The following VSTM2A variants were observed in gnomAD, a reference collection of about 807,000 sequenced individuals.
VSTM2A encodes the protein V-set and transmembrane domain containing 2A, also known as V-set and transmembrane domain-containing protein 2A.
VSTM2A carries 13 observed loss-of-function variants against 27.3 expected under a neutral mutation model. The observed-to-expected ratio is 0.48, with a 90% confidence interval of 0.31 to 0.76. The LOEUF (loss-of-function observed/expected upper bound fraction) is 0.76, where lower values mean the gene tolerates loss of function less well. Ranked by LOEUF, VSTM2A falls within the 30% of genes least tolerant of loss-of-function variation. VSTM2A has a pLI of 0.05. For missense variants in VSTM2A, 280 were observed against 310.0 expected (o/e 0.90, Z 0.73); for synonymous variants, 142 against 125.7 (o/e 1.13, Z -0.87).
chr7:54,556,428 G>A (rs1788360723), intron 4 of VSTM2A, among the ~76,000 whole-genome samples: 1 of 152,198 alleles, frequency 6.6e-6, no homozygotes, highest in African/African-American at 2.4e-5. Flanking sequence ...AAAGTCATTG[G>A]GAGGAGGGAG....
At chr7:54,556,544 C>G (rs535723549) in intron 4 of VSTM2A, among the ~76,000 whole-genome samples, 1 of 152,188 alleles carries the variant, frequency 6.6e-6, no homozygotes, top group Non-Finnish European at 1.5e-5. Flanking sequence ...CAGCCCTTAC[C>G]GCTGATTTTT....
intron 2 of VSTM2A, 140 bp downstream of exon 2, chr7:54,544,928 C>A (rs756456272): frequency 1.9e-6 from 2 of 1,068,290 alleles, no homozygotes; most frequent in African/African-American, 1.6e-5. Context: ...ACCCCCAGGG[C>A]TTCTAGGGAG....
intron 4 of VSTM2A, 44 bp downstream of exon 4, chr7:54,550,214 C>T (rs775790136): frequency 6.6e-5 from 103 of 1,557,106 alleles, no homozygotes; most frequent in Middle Eastern, 1.7e-4. Context: ...CACTCACAAA[C>T]GCTCCACAGA....
At chr7:54,545,725 GA>G (rs1230266857) in intron 2 of VSTM2A, among the ~76,000 whole-genome samples, 2 of 105,210 alleles carry the variant, frequency 1.9e-5, no homozygotes, top group African/African-American at 4.1e-5. Context: ...GAGGGAAGGG[GA>G]AAAAGGGAGA....
chr7:54,553,783 C>T, intron 4 of VSTM2A: 1 of 1,523,950 alleles, frequency 6.6e-7, no homozygotes, highest in South Asian at 1.3e-5. Flanking sequence ...GCAGAGAACA[C>T]AGGACTCAAC....
intron 2 of VSTM2A, 145 bp from the exon 3 acceptor site, chr7:54,546,802 G>A: frequency 1.1e-6 from 1 of 913,838 alleles, no homozygotes. Flanking sequence ...TCTGGGCCTG[G>A]ACAGGGGTGG....
At chr7:54,568,984 G>A (rs1391792906) in intron 4 of VSTM2A, 147 bp from the exon 5 acceptor site, 7 of 1,576,436 alleles carry the variant, frequency 4.4e-6, no homozygotes, top group Non-Finnish European at 6.0e-6. Flanking sequence ...CAAGATGAGC[G>A]AATATCTTAT....
At position 54,569,224 on chromosome 7, in the gene VSTM2A, C is replaced by T; in HGVS notation, c.*5C>T. The T allele has an allele frequency of 6.4e-7, 1 of 1,551,664 alleles. No homozygotes were observed. The highest frequency in any genetic ancestry group is 8.7e-7 in the Non-Finnish European group (1 of 1,146,934). On this transcript the variant is annotated 3_prime_UTR_variant, in exon 5 of 5. Transcript: ENST00000402613. The stretch of plus-strand genomic sequence containing the variant: ...CCTGCACCCACTGTACTCTAATTCA[C>T]TACACAAGGAGCGCCTGCTTCCGGA...
chr7:54,564,321 T>A (rs371123351), intron 4 of VSTM2A, among the ~76,000 whole-genome samples: 6 of 152,168 alleles, frequency 3.9e-5, no homozygotes, highest in East Asian at 3.8e-4. Flanking sequence ...TTTTCTTTCT[T>A]TTTTCTTGCT....
intron 4 of VSTM2A, chr7:54,552,024 CTT>C (rs1358422197): frequency 2.0e-5 from 3 of 152,154 alleles, no homozygotes; most frequent in South Asian, 2.1e-4. Flanking sequence ...TTTAATATCT[CTT>C]AGCGCTGTGA....
At chr7:54,560,906 A>G (rs1788541594) in intron 4 of VSTM2A, among the ~76,000 whole-genome samples, 1 of 152,302 alleles carries the variant, frequency 6.6e-6, no homozygotes. Context: ...GGGCTCTGTT[A>G]TGAGTCAATG....
intron 4 of VSTM2A, among the ~76,000 whole-genome samples, chr7:54,554,467 A>G (rs1788288339): frequency 6.6e-6 from 1 of 152,172 alleles, no homozygotes; most frequent in African/African-American, 2.4e-5. Flanking sequence ...TTGTCCCCAA[A>G]GTATCTACAT....
chr7:54,550,919 C>T (rs1044973444), intron 4 of VSTM2A: 6 of 152,192 alleles, frequency 3.9e-5, no homozygotes, highest in African/African-American at 1.4e-4. Context: ...TGCACAACCC[C>T]GCGGCCGTCC....
intron 4 of VSTM2A, chr7:54,559,670 G>A (rs184780829): frequency 4.6e-5 from 7 of 152,064 alleles, no homozygotes; most frequent in Non-Finnish European, 7.4e-5. Flanking sequence ...ATATCATAGC[G>A]AGTCATGAAT....
chr7:54,555,311 AT>A (rs1032105233), intron 4 of VSTM2A, among the ~76,000 whole-genome samples: 37 of 152,296 alleles, frequency 2.4e-4, no homozygotes, highest in Non-Finnish European at 5.0e-4. Context: ...TGAAATGATT[AT>A]TTTTTTCAAA....
At chr7:54,554,134 C>T in intron 4 of VSTM2A, 1 of 1,539,024 alleles carries the variant, frequency 6.5e-7, no homozygotes, top group Non-Finnish European at 8.8e-7. Flanking sequence ...GTGTCTCCTG[C>T]TTCCAATTCC....
chr7:54,566,874 T>C (rs1403237), intron 4 of VSTM2A, among the ~76,000 whole-genome samples: 36,771 of 152,146 alleles, frequency 0.24, 5,282 homozygotes, highest in African/African-American at 0.41. Flanking sequence ...ACAGAGTGGC[T>C]GAGGTTTACT....
rs1788854135 is a variant in VSTM2A at position 54,570,348 on chromosome 7, A to G, written c.*1129A>G. 1 of 152,218 alleles carries G rather than the reference A, an allele frequency of 6.6e-6. No homozygotes were observed. Among genetic ancestry groups the G allele is most frequent in the Non-Finnish European group, 1.5e-5 (1 of 68,044 alleles). 9.4% of individuals were successfully genotyped at this position (152,218 alleles called of 1,614,324 possible). ...ATGTGGGGAAGGTGAAGCACTCACC[A>G]TAATTCCCTAAATTCATGTTAGAAC... On this transcript the variant is annotated 3_prime_UTR_variant, in exon 5 of 5. Transcript: ENST00000402613.
At chr7:54,554,328 T>G (rs776373181) in intron 4 of VSTM2A, among the ~76,000 whole-genome samples, 2 of 152,184 alleles carry the variant, frequency 1.3e-5, no homozygotes, top group Non-Finnish European at 2.9e-5. Flanking sequence ...TATAGTTCTT[T>G]TCCCATTGTC....
Sources: gnomAD v4.1 joint callset for allele counts (sites outside exome capture counted in the v4.1 genomes callset) on GRCh38, gnomAD v4.1.1 for gene constraint, MANE v1.5 for transcripts, NCBI Gene and HGNC (gene_info 2026-07-23, HGNC 2026-07-21) for gene names.